DOK6: variants seen among roughly 807,000 people sequenced by gnomAD.
DOK6 encodes the protein downstream of tyrosine kinase 6.
Under a neutral mutation model 44.0 loss-of-function variants are expected in DOK6, and 22 were observed. The observed-to-expected ratio is 0.50, with a 90% CI of 0.36 to 0.71. The LOEUF (loss-of-function observed/expected upper bound fraction) is 0.71. Among genes scored for constraint, DOK6 ranks in the 30% least tolerant of loss-of-function variants. The pLI, the probability that DOK6 is intolerant of heterozygous loss-of-function variation, is 0.00. For synonymous variants in DOK6, 166 were observed against 145.5 expected, an observed-to-expected ratio of 1.14 and a Z score of -1.01; for missense variants, 340 against 416.4, an observed-to-expected ratio of 0.82 and a Z score of 1.60.
intron 1 of DOK6, among the ~76,000 whole-genome samples, chr18:69,443,450 C>T (rs1325530016): frequency 5.3e-5 from 8 of 152,114 alleles, no homozygotes; most frequent in African/African-American, 1.4e-4. Context: ...CTGCAAAGTG[C>T]TACTAGGTGA....
At chr18:69,500,395 T>A (rs1981014028) in intron 1 of DOK6, among the ~76,000 whole-genome samples, 1 of 152,150 alleles carries the variant, frequency 6.6e-6, no homozygotes, top group African/African-American at 2.4e-5. Flanking sequence ...TATGTCACCT[T>A]CTCAGTGAGG....
At chr18:69,557,044 T>C (rs1417036163) in intron 1 of DOK6, among the ~76,000 whole-genome samples, 2 of 152,216 alleles carry the variant, frequency 1.3e-5, no homozygotes, top group Non-Finnish European at 2.9e-5. Context: ...GTTTGTCTGA[T>C]ACACAGTTAT....
intron 1 of DOK6, among the ~76,000 whole-genome samples, chr18:69,505,360 G>T (rs1981153105): frequency 6.6e-6 from 1 of 152,080 alleles, no homozygotes; most frequent in South Asian, 2.1e-4. Context: ...CTTGTTTCCT[G>T]TGTGAAGCTC....
At chr18:69,733,412 A>C (rs1978485167) in intron 5 of DOK6, among the ~76,000 whole-genome samples, 1 of 152,212 alleles carries the variant, frequency 6.6e-6, no homozygotes, top group Non-Finnish European at 1.5e-5. Context: ...CATTTTTTAC[A>C]GTGACATAAA....
rs147658160 is a variant in DOK6 at position 69,608,189 on chromosome 18, T to A, written c.289+8691T>A. Among the ~76,000 whole-genome samples the A allele has an allele frequency of 2.8e-3, 433 of 152,332 alleles. 2 individuals are homozygous for A. The highest frequency in any genetic ancestry group is 3.7e-3 in the South Asian group (18 of 4,832). ...TCTATTTTGATTTGATGTTTGGATG[T>A]AGTATAAGATAAGGGTCCAATTTCA... On this transcript the variant is annotated intron_variant, in intron 3 of 7. Coordinates refer to ENST00000382713, the MANE Select transcript of DOK6 (RefSeq NM_152721.6).
At chr18:69,560,947 G>T (rs1437736596) in intron 1 of DOK6, among the ~76,000 whole-genome samples, 1 of 152,016 alleles carries the variant, frequency 6.6e-6, no homozygotes, top group African/African-American at 2.4e-5. Flanking sequence ...AAATTATATG[G>T]TGCTCTAATT....
chr18:69,721,324 AGAGC>A (rs1000368727), intron 5 of DOK6: 1 of 152,228 alleles, frequency 6.6e-6, no homozygotes, highest in Non-Finnish European at 1.5e-5. Flanking sequence ...ATTTACCTGA[AGAGC>A]GAGAATTTTA....
rs772435087 is a variant in DOK6 at position 69,703,047 on chromosome 18, A to AG, written c.599+4459dup. 1.5e-4 allele frequency among the ~76,000 whole-genome samples: 12 copies of AG among 82,358 alleles called. 1 individual carries two copies. Among genetic ancestry groups the AG allele is most frequent in the Non-Finnish European group, 3.5e-4 (12 of 34,050 alleles). 54.0% of individuals were successfully genotyped at this position (82,358 alleles called of 152,430 possible). ...AGTCATTTAATTAATGCTCTCTCCG[A>AG]GGGGGAAAAAAAAAAAGCAGACCTG... is the stretch of plus-strand genomic sequence containing the variant. On this transcript the variant is annotated intron_variant, in intron 5 of 7. Coordinates refer to ENST00000382713, the MANE Select transcript of DOK6 (RefSeq NM_152721.6).
chr18:69,744,156 C>T (rs1978898536), intron 6 of DOK6, among the ~76,000 whole-genome samples: 1 of 151,900 alleles, frequency 6.6e-6, no homozygotes, highest in South Asian at 2.1e-4. Flanking sequence ...ACTAAAAATA[C>T]AAAAATTAGC....
intron 3 of DOK6, among the ~76,000 whole-genome samples, chr18:69,656,305 T>C (rs1985366557): frequency 6.6e-6 from 1 of 152,168 alleles, no homozygotes; most frequent in South Asian, 2.1e-4. Flanking sequence ...TTAACCTAGA[T>C]CTTTACAGAA....
chr18:69,762,422 T>C (rs940188910), intron 7 of DOK6, among the ~76,000 whole-genome samples: 1 of 152,216 alleles, frequency 6.6e-6, no homozygotes, highest in African/African-American at 2.4e-5. Flanking sequence ...ACCTCTTCTT[T>C]ACAAAAAGGA....
chr18:69,780,451 G>C (rs1980229301), intron 7 of DOK6, among the ~76,000 whole-genome samples: 1 of 152,290 alleles, frequency 6.6e-6, no homozygotes, highest in East Asian at 1.9e-4. Context: ...AATTAGCCGT[G>C]CATGGTGATG....
At chr18:69,522,326 C>T (rs1486262576) in intron 1 of DOK6, among the ~76,000 whole-genome samples, 3 of 152,032 alleles carry the variant, frequency 2.0e-5, no homozygotes, top group Non-Finnish European at 4.4e-5. Flanking sequence ...GGTCCCCAAA[C>T]ACAATAAAGC....
chr18:69,802,299 A>T (rs563245267), intron 7 of DOK6, among the ~76,000 whole-genome samples: 1 of 152,170 alleles, frequency 6.6e-6, no homozygotes, highest in Admixed American at 6.5e-5. Flanking sequence ...CAACTTCATG[A>T]TGGCAAGAAA....
chr18:69,655,100 G>T (rs1342967407), intron 3 of DOK6, among the ~76,000 whole-genome samples: 5 of 152,048 alleles, frequency 3.3e-5, no homozygotes, highest in Non-Finnish European at 7.4e-5. Context: ...GTTTTCTACA[G>T]AAGAGAAAAA....
intron 3 of DOK6, among the ~76,000 whole-genome samples, chr18:69,665,461 T>C (rs1985632276): frequency 1.3e-5 from 2 of 152,176 alleles, no homozygotes; most frequent in Admixed American, 6.5e-5. Flanking sequence ...GGCACCTAAT[T>C]ATTTGATTAG....
At chr18:69,500,806 AATC>A (rs1981028056) in intron 1 of DOK6, among the ~76,000 whole-genome samples, 1 of 152,180 alleles carries the variant, frequency 6.6e-6, no homozygotes, top group Non-Finnish European at 1.5e-5. Context: ...AAATATAATA[AATC>A]ATCATTTAGT....
At chr18:69,650,474 A>C (rs892778233) in intron 3 of DOK6, among the ~76,000 whole-genome samples, 1 of 152,230 alleles carries the variant, frequency 6.6e-6, no homozygotes, top group African/African-American at 2.4e-5. Context: ...AGGAATATGC[A>C]GGAAATGCCT....
At chr18:69,757,294 AAAT>A (rs1300745669) in intron 6 of DOK6, among the ~76,000 whole-genome samples, 27 of 152,366 alleles carry the variant, frequency 1.8e-4, no homozygotes, top group African/African-American at 5.5e-4. Flanking sequence ...GGGTAAAAAA[AAAT>A]AATAACGGGT....
Sources: gnomAD v4.1 joint callset for allele counts (sites outside exome capture counted in the v4.1 genomes callset) on GRCh38, gnomAD v4.1.1 for gene constraint, MANE v1.5 for transcripts, NCBI Gene and HGNC (gene_info 2026-07-23, HGNC 2026-07-21) for gene names.